The following CSMD1 variants were observed in gnomAD, a reference collection of about 807,000 sequenced individuals.
CSMD1 encodes the protein CUB and sushi domain-containing protein 1.
In CSMD1, 213 loss-of-function variants were observed where a neutral mutation model predicts 417.5. The observed-to-expected ratio is 0.51, with a 90% CI of 0.46 to 0.57. The LOEUF (loss-of-function observed/expected upper bound fraction) is 0.57, where lower values mean the gene tolerates loss of function less well. Among genes scored for constraint, CSMD1 ranks in the 20% least tolerant of loss-of-function variants. The pLI, the probability that CSMD1 is intolerant of heterozygous loss-of-function variation, is 0.00. For synonymous variants in CSMD1, 2,862 were observed against 1,736.8 expected (o/e 1.65, Z -16.11); for missense variants, 6,923 against 4,529.7 (o/e 1.53, Z -15.17).
chr8:4,579,745 T>G (rs919805479), intron 2 of CSMD1, among the ~76,000 whole-genome samples: 1 of 152,154 alleles, frequency 6.6e-6, no homozygotes, highest in Non-Finnish European at 1.5e-5. Flanking sequence ...CCATGTAAAT[T>G]TACATGGTGA....
At chr8:4,220,309 A>C (rs1027401620) in intron 3 of CSMD1, among the ~76,000 whole-genome samples, 2 of 152,172 alleles carry the variant, frequency 1.3e-5, no homozygotes, top group East Asian at 1.9e-4. Flanking sequence ...ATTTGACTGG[A>C]AATTTGAAGC....
At chr8:3,655,909 T>C (rs555431908) in intron 7 of CSMD1, among the ~76,000 whole-genome samples, 27 of 152,312 alleles carry the variant, frequency 1.8e-4, no homozygotes, top group African/African-American at 6.3e-4. Flanking sequence ...ATCCTTGTGA[T>C]GCCAGGAATG....
At chr8:3,520,292 T>C (rs890962114) in intron 10 of CSMD1, among the ~76,000 whole-genome samples, 4 of 152,240 alleles carry the variant, frequency 2.6e-5, no homozygotes, top group Middle Eastern at 3.4e-3. Context: ...ACCTCCTCTA[T>C]TCCAAAATGT....
At chr8:3,635,084 C>G (rs1273364764) in intron 7 of CSMD1, among the ~76,000 whole-genome samples, 1 of 152,080 alleles carries the variant, frequency 6.6e-6, no homozygotes, top group Non-Finnish European at 1.5e-5. Context: ...AAGATACTTA[C>G]TATAAACAGA....
intron 1 of CSMD1, among the ~76,000 whole-genome samples, chr8:4,753,156 C>T (rs2117058054): frequency 6.6e-6 from 1 of 152,156 alleles, no homozygotes; most frequent in Non-Finnish European, 1.5e-5. Flanking sequence ...AGTCACTTGT[C>T]TGAGATCATA....
chr8:4,746,010 C>T (rs768762614), intron 1 of CSMD1, among the ~76,000 whole-genome samples: 20 of 152,174 alleles, frequency 1.3e-4, no homozygotes, highest in Non-Finnish European at 2.2e-4. Flanking sequence ...AAAAGAAAAT[C>T]TTCTAAACTG....
chr8:4,470,846 G>A (rs1380678899), intron 2 of CSMD1, among the ~76,000 whole-genome samples: 1 of 152,034 alleles, frequency 6.6e-6, no homozygotes, highest in African/African-American at 2.4e-5. Context: ...GGGCTTCTTT[G>A]ATTTTTTTTG....
intron 5 of CSMD1, among the ~76,000 whole-genome samples, chr8:3,977,767 G>T (rs1318258296): frequency 6.6e-6 from 1 of 152,178 alleles, no homozygotes; most frequent in East Asian, 1.9e-4. Flanking sequence ...CTGCATGTAT[G>T]CTTAGTTAAT....
chr8:4,237,714 T>C (rs145613364), intron 3 of CSMD1, among the ~76,000 whole-genome samples: 7 of 152,228 alleles, frequency 4.6e-5, no homozygotes, highest in Non-Finnish European at 8.8e-5. Flanking sequence ...GGTTTTGCTA[T>C]GTTGACCAGG....
At chr8:2,975,830 C>T (rs1328002853) in intron 55 of CSMD1, among the ~76,000 whole-genome samples, 1 of 152,170 alleles carries the variant, frequency 6.6e-6, no homozygotes, top group Non-Finnish European at 1.5e-5. Context: ...CTGTTAATGA[C>T]ACCAAGCGGA....
Position 3,217,012 on chromosome 8 carries a change from C to T in CSMD1, c.4672+2243G>A, listed in dbSNP as rs563035935. 4.6e-5 allele frequency among the ~76,000 whole-genome samples: 7 copies of T among 152,314 alleles called. No individual in the cohort carries two copies. The South Asian group carries it at 1.4e-3, about 32-fold the overall frequency. On this transcript the variant is annotated intron_variant, in intron 29 of 69. Transcript: ENST00000635120. ...TGCTTGAGGCTGGATGCAATGGCAT[C>T]ATTTCTCCAGGCTAGATGCAATGAC...
Position 3,284,218 on chromosome 8 carries a change from G to A in CSMD1, c.4079C>T (p.Thr1360Ile). Residue 1360 changes from threonine (T) to isoleucine (I), a missense_variant, in exon 26 of 70, where the codon ACC becomes ATC. By Grantham distance (89) the Thr-to-Ile change is moderately conservative (BLOSUM62 -1). Coordinates refer to ENST00000635120, the MANE Select transcript of CSMD1 (RefSeq NM_033225.6). ...GSALPEDIHS[T>I]FNSLTLQFDS... ...GAACTGCAGGGTGAGTGAGTTGAAG[G>A]TGCTGTGGATGTCCTCCGGAAGGGC... The A allele has an allele frequency of 6.2e-7, 1 of 1,611,730 alleles. No homozygotes were observed. Among genetic ancestry groups the A allele is most frequent in the Non-Finnish European group, 8.5e-7 (1 of 1,178,978 alleles).
chr8:3,674,120 AT>A (rs144692696), intron 7 of CSMD1, among the ~76,000 whole-genome samples: 18,800 of 152,092 alleles, frequency 0.12, 1,359 homozygotes, highest in South Asian at 0.19. Flanking sequence ...GACAAAAAAA[AT>A]CTCCCTAGAA....
chr8:4,234,010 G>C (rs573447102), intron 3 of CSMD1, among the ~76,000 whole-genome samples: 1 of 152,200 alleles, frequency 6.6e-6, no homozygotes, highest in East Asian at 1.9e-4. Context: ...TGCCTGAGAG[G>C]TTCTGGCATC....
chr8:4,887,708 T>C (rs1803849050), intron 1 of CSMD1, among the ~76,000 whole-genome samples: 1 of 152,046 alleles, frequency 6.6e-6, no homozygotes, highest in Non-Finnish European at 1.5e-5. Context: ...ATTTGCTTTG[T>C]TGGTAGGTGC....
chr8:4,922,060 C>A (rs944958109), intron 1 of CSMD1, among the ~76,000 whole-genome samples: 1 of 152,206 alleles, frequency 6.6e-6, no homozygotes, highest in African/African-American at 2.4e-5. Flanking sequence ...GCCCTCTTCA[C>A]TTGTACCCAG....
At chr8:4,227,376 C>G (rs1346167070) in intron 3 of CSMD1, among the ~76,000 whole-genome samples, 1 of 152,070 alleles carries the variant, frequency 6.6e-6, no homozygotes, top group African/African-American at 2.4e-5. Flanking sequence ...ATTTTAAGAA[C>G]CCTATTCTAT....
At chr8:4,649,286 C>T (rs947625646) in intron 1 of CSMD1, among the ~76,000 whole-genome samples, 3 of 152,192 alleles carry the variant, frequency 2.0e-5, no homozygotes, top group African/African-American at 4.8e-5. Flanking sequence ...ACTATTGTAT[C>T]TGATAAAAGA....
intron 11 of CSMD1, chr8:3,469,075 G>T (rs1816940534): frequency 5.9e-6 from 2 of 337,616 alleles, no homozygotes; most frequent in Non-Finnish European, 1.1e-5. Flanking sequence ...ATCAATTTAG[G>T]GCAATCAACC....
Sources: allele counts gnomAD v4.1 joint callset (sites outside exome capture counted in the v4.1 genomes callset), GRCh38; gene constraint gnomAD v4.1.1; transcripts MANE v1.5; gene names NCBI Gene and HGNC (gene_info 2026-07-23, HGNC 2026-07-21).